ATP13A5: variants seen among roughly 807,000 people sequenced by gnomAD.
ATP13A5 encodes the protein ATPase 13A5, also known as probable cation-transporting ATPase 13A5.
A neutral mutation model predicts 150.2 loss-of-function variants in ATP13A5; 149 were observed. The observed-to-expected ratio is 0.99, with a 90% confidence interval of 0.87 to 1.14. The LOEUF (loss-of-function observed/expected upper bound fraction) is 1.14, where lower values mean the gene tolerates loss of function less well. ATP13A5 is among the 50% of genes most tolerant of loss of function. The pLI is 0.00. For missense variants in ATP13A5, 1,383 were observed against 1,449.3 expected (o/e 0.95, Z 0.74); for synonymous variants, 497 against 522.2 (o/e 0.95, Z 0.66).
At chr3:193,305,408 C>T (rs1179534684) in intron 23 of ATP13A5, 151 bp downstream of exon 23, 2 of 693,134 alleles carry the variant, frequency 2.9e-6, no homozygotes, top group South Asian at 3.5e-5. Flanking sequence ...TCTTGAGTAA[C>T]ACTAATGGCC....
rs1283263619 is a variant in ATP13A5, at chr3:193,291,489, A to G, written c.2849-1430T>C. Among the ~76,000 whole-genome samples the G allele has an allele frequency of 2.0e-5, 3 of 151,944 alleles. No individual in the cohort carries two copies. The East Asian group carries it at 5.8e-4, about 29-fold the overall frequency. ...TTTGAGAGTTTATGCTAACAAGATGACTCATGGTGGGAATGAGGAGCGTTT... is the reference window on the plus strand; with the variant it reads ...TTTGAGAGTTTATGCTAACAAGATGGCTCATGGTGGGAATGAGGAGCGTTT... On this transcript the variant is annotated intron_variant, in intron 25 of 29. Transcript: ENST00000342358.
intron 25 of ATP13A5, among the ~76,000 whole-genome samples, chr3:193,298,107 G>A (rs374717219): frequency 9.9e-5 from 15 of 152,178 alleles, no homozygotes; most frequent in Admixed American, 2.6e-4. Flanking sequence ...CAGAGGTCAC[G>A]AAAACAGGCC....
chr3:193,296,949 G>T lies in ATP13A5; in HGVS notation c.2848+2182C>A, dbSNP rs372769065. On this transcript the variant is annotated intron_variant, in intron 25 of 29. Transcript: ENST00000342358. ...GGACACATAGTGGGAGACAAAACACGCTGGGGCCTGTTGGGAAGGGCAAGG... is the reference window on the plus strand; with the variant it reads ...GGACACATAGTGGGAGACAAAACACTCTGGGGCCTGTTGGGAAGGGCAAGG... Among the ~76,000 whole-genome samples the T allele has an allele frequency of 3.3e-5, 5 of 152,104 alleles. No homozygotes were observed. The East Asian group carries it at 9.7e-4, about 29-fold the overall frequency.
chr3:193,348,880 C>T (rs1712455499), intron 7 of ATP13A5, among the ~76,000 whole-genome samples: 1 of 152,158 alleles, frequency 6.6e-6, no homozygotes, highest in Non-Finnish European at 1.5e-5. Flanking sequence ...GTATGTAGTA[C>T]TTGACTTGGA....
At chr3:193,293,428 T>C (rs1433925081) in intron 25 of ATP13A5, among the ~76,000 whole-genome samples, 1 of 152,148 alleles carries the variant, frequency 6.6e-6, no homozygotes, top group Admixed American at 6.6e-5. Context: ...ATTGCTGCTA[T>C]AGTGCAGGGT....
At chr3:193,306,448 T>A (rs1718622674) in intron 22 of ATP13A5, among the ~76,000 whole-genome samples, 1 of 152,152 alleles carries the variant, frequency 6.6e-6, no homozygotes, top group African/African-American at 2.4e-5. Flanking sequence ...AGACTAAAAA[T>A]TAGCTTTTTC....
chr3:193,351,352 G>T (rs1712556242), intron 6 of ATP13A5, 151 bp from the exon 7 acceptor site: 1 of 1,008,804 alleles, frequency 9.9e-7, no homozygotes, highest in Non-Finnish European at 1.4e-6. Context: ...TATTGATTTG[G>T]GTTGAGAAAA....
At chr3:193,302,101 G>A (rs1718422958) in intron 23 of ATP13A5, among the ~76,000 whole-genome samples, 1 of 152,110 alleles carries the variant, frequency 6.6e-6, no homozygotes, top group South Asian at 2.1e-4. Flanking sequence ...CCTCTGCTCA[G>A]GGCAGAAGCA....
chr3:193,316,506 A>G (rs1719057420), intron 17 of ATP13A5, among the ~76,000 whole-genome samples: 1 of 152,130 alleles, frequency 6.6e-6, no homozygotes, highest in East Asian at 1.9e-4. Flanking sequence ...TTTGTTTCAA[A>G]TAGCCATCCT....
At chr3:193,284,871 T>C in intron 27 of ATP13A5, 43 bp downstream of exon 27, 1 of 1,492,420 alleles carries the variant, frequency 6.7e-7, no homozygotes, top group Non-Finnish European at 9.2e-7. Context: ...AGAAAGGGAA[T>C]GGGAAAATAT....
intron 23 of ATP13A5, among the ~76,000 whole-genome samples, chr3:193,304,426 T>G (rs1400263921): frequency 6.6e-6 from 1 of 152,134 alleles, no homozygotes. Flanking sequence ...CCTGCTACCT[T>G]TAGGTCAGTG....
At chr3:193,324,722 TTGG>T in intron 14 of ATP13A5, 139 bp downstream of exon 14, 1 of 854,952 alleles carries the variant, frequency 1.2e-6, no homozygotes, top group African/African-American at 1.7e-5. Context: ...GGGGCACAGG[TTGG>T]GAAGTTCTGG....
chr3:193,350,588 C>T (rs1712526566), intron 7 of ATP13A5, among the ~76,000 whole-genome samples: 1 of 152,088 alleles, frequency 6.6e-6, no homozygotes, highest in Admixed American at 6.6e-5. Flanking sequence ...CAAATGAACA[C>T]ATAGACATTA....
At chr3:193,312,123 G>T (rs1041865031) in intron 19 of ATP13A5, among the ~76,000 whole-genome samples, 182 bp from the exon 20 acceptor site, 1 of 152,172 alleles carries the variant, frequency 6.6e-6, no homozygotes, top group Non-Finnish European at 1.5e-5. Context: ...TTCCCCCCAA[G>T]ATTATGTAAA....
Position 193,362,813 on chromosome 3 carries a change from C to CTTTCTTTCTTTCTTTCTTTG in ATP13A5, c.385-177_385-176insCAAAGAAAGAAAGAAAGAAA, listed in dbSNP as rs59105884. Among the ~76,000 whole-genome samples, 306 of 112,072 alleles carry CTTTCTTTCTTTCTTTCTTTG rather than the reference C, an allele frequency of 2.7e-3. 58 individuals are homozygous for CTTTCTTTCTTTCTTTCTTTG. Among genetic ancestry groups the CTTTCTTTCTTTCTTTCTTTG allele is most frequent in the African/African-American group, 9.3e-3 (286 of 30,812 alleles). 73.5% of individuals were successfully genotyped at this position (112,072 alleles called of 152,430 possible). A position where few individuals can be genotyped will look rare whatever the true frequency, so the allele number is the denominator to read the frequency against. ...TCTTTCTTTCTTTCTTTCTTTCTTT[C>CTTTCTTTCTTTCTTTCTTTG]AGACAGGGTCTCACTCTGTCACCCA... On this transcript the variant is annotated intron_variant, in intron 3 of 29. Transcript: ENST00000342358.
intron 19 of ATP13A5, among the ~76,000 whole-genome samples, chr3:193,312,236 A>G (rs1718882710): frequency 6.6e-6 from 1 of 152,216 alleles, no homozygotes; most frequent in Admixed American, 6.5e-5. Context: ...GGTCCCAAAT[A>G]GTTATTACAA....
At chr3:193,361,115 T>C (rs1274413881) in intron 5 of ATP13A5, among the ~76,000 whole-genome samples, 1 of 152,234 alleles carries the variant, frequency 6.6e-6, no homozygotes, top group Non-Finnish European at 1.5e-5. Flanking sequence ...TGTGTCTACA[T>C]CTATCAACTA....
chr3:193,331,670 T>C (rs916158663), intron 11 of ATP13A5, among the ~76,000 whole-genome samples: 1 of 152,180 alleles, frequency 6.6e-6, no homozygotes, highest in African/African-American at 2.4e-5. Flanking sequence ...GATGGCAATA[T>C]AATTAAAAAC....
chr3:193,277,013 A>G (rs548214120), intron 28 of ATP13A5, among the ~76,000 whole-genome samples, 183 bp from the exon 29 acceptor site: 1 of 152,314 alleles, frequency 6.6e-6, no homozygotes, highest in East Asian at 1.9e-4. Context: ...GCAGAACCAG[A>G]ATTCAAAGGA....
Sources: allele counts gnomAD v4.1 joint callset (sites outside exome capture counted in the v4.1 genomes callset), GRCh38; gene constraint gnomAD v4.1.1; transcripts MANE v1.5; gene names NCBI Gene and HGNC (gene_info 2026-07-23, HGNC 2026-07-21).